The following KIF14 variants were observed in gnomAD, a reference collection of about 807,000 sequenced individuals.
The protein encoded by KIF14 is kinesin-like protein KIF14.
In KIF14, 98 loss-of-function variants were observed where a neutral mutation model predicts 176.2. That is an observed-to-expected ratio of 0.56 (90% confidence interval 0.47 to 0.66). The LOEUF is 0.66. KIF14 is among the 30% of genes least tolerant of loss of function. The pLI is 0.00. For missense variants in KIF14, 1,751 were observed against 1,920.4 expected (o/e 0.91, Z 1.65); for synonymous variants, 566 against 632.2 (o/e 0.90, Z 1.57).
At chr1:200,594,986 T>C (rs1364139655) in intron 14 of KIF14, among the ~76,000 whole-genome samples, 1 of 152,190 alleles carries the variant, frequency 6.6e-6, no homozygotes, top group African/African-American at 2.4e-5. Flanking sequence ...CCTACCATTC[T>C]GGACGCCCCA....
chr1:200,618,800 C>A lies in KIF14; in HGVS notation c.-77G>T, dbSNP rs1660546123. 2 of 1,225,340 alleles carry A rather than the reference C, an allele frequency of 1.6e-6. No homozygotes were observed. The highest frequency in any genetic ancestry group is 1.5e-5 in the African/African-American group (1 of 66,286). 75.9% of individuals were successfully genotyped at this position (1,225,340 alleles called of 1,614,324 possible). ...CTTTGGACATTCATTTGATTTCCAGCCATTTCTTATGTATCCATTTCTGAA... is the reference window on the plus strand; with the variant it reads ...CTTTGGACATTCATTTGATTTCCAGACATTTCTTATGTATCCATTTCTGAA... On this transcript the variant is annotated 5_prime_UTR_variant, in exon 2 of 30. Coordinates refer to ENST00000367350, the MANE Select transcript of KIF14 (RefSeq NM_014875.3).
At chr1:200,554,770 T>C (rs1006084308) in intron 28 of KIF14, among the ~76,000 whole-genome samples, 164 bp from the exon 29 acceptor site, 2 of 152,170 alleles carry the variant, frequency 1.3e-5, no homozygotes, top group Non-Finnish European at 2.9e-5. Context: ...CAAAATACAA[T>C]AGTAATTACT....
chr1:200,579,186 A>G (rs976698109), intron 21 of KIF14, among the ~76,000 whole-genome samples: 6 of 152,158 alleles, frequency 3.9e-5, no homozygotes, highest in Non-Finnish European at 8.8e-5. Context: ...ATTACAGTAC[A>G]GGTTGCACAC....
intron 23 of KIF14, among the ~76,000 whole-genome samples, chr1:200,569,316 CATT>C (rs140220349): frequency 0.085 from 12,887 of 151,966 alleles, 580 homozygotes; most frequent in Non-Finnish European, 0.096. Context: ...TTTAAAATAA[CATT>C]ATAATAAATA....
intron 4 of KIF14, among the ~76,000 whole-genome samples, chr1:200,611,824 T>G (rs1660169689): frequency 6.6e-6 from 1 of 152,216 alleles, no homozygotes; most frequent in African/African-American, 2.4e-5. Context: ...ACCTTTTGTA[T>G]AGATCAACTC....
At position 200,588,112 on chromosome 1, in the gene KIF14, G is replaced by A. The variant is rs375498143; in HGVS notation, c.3114+1105C>T. On this transcript the variant is annotated intron_variant, in intron 18 of 29. Transcript: ENST00000367350. The stretch of plus-strand genomic sequence containing the variant: ...TTAAGATATAAGGAATCAAAACAGT[G>A]GCTTGCAAACTTTAGTGTTCATCAG... Among the ~76,000 whole-genome samples, 9 of 152,198 alleles carry A rather than the reference G, an allele frequency of 5.9e-5. No homozygotes were observed. The East Asian group carries it at 1.7e-3, about 29-fold the overall frequency.
chr1:200,603,090 C>A, intron 10 of KIF14, 136 bp downstream of exon 10: 1 of 501,444 alleles, frequency 2.0e-6, no homozygotes, highest in Non-Finnish European at 3.5e-6. Context: ...GATTCAAATC[C>A]AGGTAGTTTG....
intron 29 of KIF14, among the ~76,000 whole-genome samples, chr1:200,554,180 CAG>C (rs1304583756): frequency 6.6e-6 from 1 of 152,124 alleles, no homozygotes; most frequent in Non-Finnish European, 1.5e-5. Flanking sequence ...TGTTTGAGGT[CAG>C]GAGTTCGAGA....
intron 11 of KIF14, 104 bp downstream of exon 11, chr1:200,601,792 G>A: frequency 1.2e-6 from 1 of 856,364 alleles, no homozygotes; most frequent in Non-Finnish European, 1.8e-6. Context: ...AATAGGTATA[G>A]AAAAACACCT....
At chr1:200,595,575 G>A (rs1659287256) in intron 14 of KIF14, among the ~76,000 whole-genome samples, 1 of 152,088 alleles carries the variant, frequency 6.6e-6, no homozygotes, top group African/African-American at 2.4e-5. Context: ...TAATAATACT[G>A]TATTTATTTG....
chr1:200,582,178 T>C (rs4353125), intron 19 of KIF14, among the ~76,000 whole-genome samples: 120,741 of 152,014 alleles, frequency 0.79, 48,301 homozygotes, highest in African/African-American at 0.89. Flanking sequence ...ATTTCAAGGC[T>C]TGCCTGGGCA....
chr1:200,575,790 T>C (rs1451096279), intron 21 of KIF14, 99 bp from the exon 22 acceptor site: 5 of 568,490 alleles, frequency 8.8e-6, no homozygotes, highest in Non-Finnish European at 1.2e-5. Flanking sequence ...ATTTAAACCA[T>C]AAAATTAGCA....
At chr1:200,581,129 AAAAAG>A in intron 20 of KIF14, 67 bp downstream of exon 20, 1 of 766,298 alleles carries the variant, frequency 1.3e-6, no homozygotes. Context: ...AAAAAAAAAA[AAAAAG>A]AGAAACTAAA....
rs1055408363 is a variant in KIF14 at position 200,552,113 on chromosome 1, G to A, written c.*1275C>T. 1 of 151,940 alleles carries A rather than the reference G, an allele frequency of 6.6e-6. No individual in the cohort carries two copies. Among genetic ancestry groups the A allele is most frequent in the Non-Finnish European group, 1.5e-5 (1 of 67,984 alleles). 9.4% of individuals were successfully genotyped at this position (151,940 alleles called of 1,614,324 possible). ...ATGTACAAGTAGTATCTGTAAATTC[G>A]AAAAGGGCAAATGAAAGGATCAGGT... is the stretch of plus-strand genomic sequence containing the variant. On this transcript the variant is annotated 3_prime_UTR_variant, in exon 30 of 30. Coordinates refer to ENST00000367350, the MANE Select transcript of KIF14 (RefSeq NM_014875.3).
At chr1:200,599,474 T>C (rs940729913) in intron 13 of KIF14, among the ~76,000 whole-genome samples, 4 of 152,226 alleles carry the variant, frequency 2.6e-5, no homozygotes, top group South Asian at 2.1e-4. Flanking sequence ...CCACCTCTTT[T>C]ATGAGATTGG....
chr1:200,555,526 AC>A, intron 27 of KIF14, 72 bp from the exon 28 acceptor site: 1 of 837,264 alleles, frequency 1.2e-6, no homozygotes, highest in Non-Finnish European at 1.8e-6. Flanking sequence ...ATTGCATGGG[AC>A]CAGACTTTTA....
chr1:200,560,932 G>A (rs1657107687), intron 25 of KIF14, 52 bp from the exon 26 acceptor site: 3 of 1,544,714 alleles, frequency 1.9e-6, no homozygotes, highest in Non-Finnish European at 2.7e-6. Flanking sequence ...TATAACAGGT[G>A]GTAAAGAAAA....
chr1:200,592,978 T>C (rs1659130986), intron 15 of KIF14, among the ~76,000 whole-genome samples: 1 of 152,236 alleles, frequency 6.6e-6, no homozygotes. Context: ...CTGTTACATA[T>C]GTGGTCCCTC....
chr1:200,603,310 G>A lies in KIF14; in HGVS notation c.1895C>T (p.Thr632Ile), dbSNP rs1382271825. The A allele has an allele frequency of 6.2e-6, 10 of 1,607,548 alleles. No homozygotes were observed. The highest frequency in any genetic ancestry group is 6.8e-6 in the Non-Finnish European group (8 of 1,175,576). Residue 632 changes from threonine (T) to isoleucine (I), a missense_variant, in exon 10 of 30, where the codon ACT becomes ATT. Transcript: ENST00000367350. ...AAGTGCAGATATAACTTTTCCCAAA[G>A]TTAGCAAGGACTTATTAATACTCAC... is the stretch of plus-strand genomic sequence containing the variant. ...EGVSINKSLLTLGKVISALSE... is the reference protein window; with the variant it reads ...EGVSINKSLLILGKVISALSE...
Sources: allele counts gnomAD v4.1 joint callset (sites outside exome capture counted in the v4.1 genomes callset), GRCh38; gene constraint gnomAD v4.1.1; transcripts MANE v1.5; gene names NCBI Gene and HGNC (gene_info 2026-07-23, HGNC 2026-07-21).